The following STAU2 variants were observed in gnomAD, a reference collection of about 807,000 sequenced individuals.
STAU2 encodes the protein double-stranded RNA-binding protein Staufen homolog 2.
STAU2 carries 20 observed loss-of-function variants against 65.9 expected under a neutral mutation model. The observed-to-expected ratio is 0.30, with a 90% CI of 0.21 to 0.44. The LOEUF (loss-of-function observed/expected upper bound fraction) is 0.44, where lower values mean the gene tolerates loss of function less well. Among genes scored for constraint, STAU2 ranks in the 20% least tolerant of loss-of-function variants. The pLI is 1.00. For missense variants in STAU2, 558 were observed against 683.9 expected, an observed-to-expected ratio of 0.82 and a Z score of 2.05; for synonymous variants, 232 against 233.9, an observed-to-expected ratio of 0.99 and a Z score of 0.07.
chr8:73,605,872 C>CAT (rs1811983674), intron 9 of STAU2, among the ~76,000 whole-genome samples: 5 of 20,694 alleles, frequency 2.4e-4, no homozygotes, highest in South Asian at 1.4e-3. Context: ...CACACACACA[C>CAT]ACACATACAC....
chr8:73,465,309 G>C (rs1282539925), intron 13 of STAU2, among the ~76,000 whole-genome samples: 1 of 152,176 alleles, frequency 6.6e-6, no homozygotes, highest in African/African-American at 2.4e-5. Context: ...TAATATCGTA[G>C]TAAGTATTTA....
intron 13 of STAU2, among the ~76,000 whole-genome samples, chr8:73,547,279 T>C (rs1806998771): frequency 6.6e-6 from 1 of 152,240 alleles, no homozygotes; most frequent in Non-Finnish European, 1.5e-5. Context: ...GCCTGCTTGA[T>C]TCTTACCTGT....
At chr8:73,519,430 T>A (rs538134974) in intron 13 of STAU2, among the ~76,000 whole-genome samples, 2 of 152,332 alleles carry the variant, frequency 1.3e-5, no homozygotes, top group South Asian at 4.1e-4. Flanking sequence ...CCCCTGGTAC[T>A]TGAAGAAAGT....
At chr8:73,516,345 T>C (rs1295308935) in intron 13 of STAU2, among the ~76,000 whole-genome samples, 4 of 152,086 alleles carry the variant, frequency 2.6e-5, no homozygotes, top group Non-Finnish European at 5.9e-5. Context: ...ATTTTTTTTT[T>C]ATCACTACCT....
At chr8:73,744,508 C>A (rs1197830918) in intron 1 of STAU2, among the ~76,000 whole-genome samples, 2 of 150,700 alleles carry the variant, frequency 1.3e-5, no homozygotes, top group African/African-American at 2.4e-5. Context: ...AAAAACCTAC[C>A]ATATCTTCTA....
chr8:73,747,174 C>G (rs1275511078), upstream of STAU2: 1 of 529,008 alleles, frequency 1.9e-6, no homozygotes, highest in Non-Finnish European at 3.2e-6. Flanking sequence ...GGGCCATTCC[C>G]GGGGGGCTTG....
At chr8:73,654,292 A>C (rs1816126541) in intron 6 of STAU2, among the ~76,000 whole-genome samples, 1 of 152,142 alleles carries the variant, frequency 6.6e-6, no homozygotes, top group African/African-American at 2.4e-5. Flanking sequence ...AAAGAAAAAT[A>C]AGATTTCAAT....
intron 3 of STAU2, among the ~76,000 whole-genome samples, chr8:73,720,508 T>C (rs1253243753): frequency 9.6e-5 from 4 of 41,584 alleles, no homozygotes; most frequent in African/African-American, 3.2e-4. Context: ...TCTTTTTTTT[T>C]TTTTTTTTTT....
At chr8:73,538,378 A>G (rs1365049430) in intron 13 of STAU2, among the ~76,000 whole-genome samples, 1 of 152,158 alleles carries the variant, frequency 6.6e-6, no homozygotes, top group Non-Finnish European at 1.5e-5. Context: ...TGAATTAAGG[A>G]GAATTGAAAG....
At chr8:73,619,662 C>T (rs572690066) in intron 6 of STAU2, among the ~76,000 whole-genome samples, 1 of 152,206 alleles carries the variant, frequency 6.6e-6, no homozygotes, top group African/African-American at 2.4e-5. Flanking sequence ...AGTGGATAAG[C>T]ACCTGGAAAG....
intron 4 of STAU2, among the ~76,000 whole-genome samples, chr8:73,695,341 C>T (rs1462841975): frequency 6.7e-6 from 1 of 149,630 alleles, no homozygotes; most frequent in Admixed American, 6.6e-5. Context: ...TCCAAGATAA[C>T]ATTTGTAGAC....
At chr8:73,710,051 G>T (rs533105815) in intron 3 of STAU2, among the ~76,000 whole-genome samples, 2 of 152,156 alleles carry the variant, frequency 1.3e-5, no homozygotes, top group South Asian at 4.1e-4. Context: ...ACACTGGGTT[G>T]TTTCCAATTC....
chr8:73,556,103 AC>A (rs1361473382), intron 12 of STAU2, among the ~76,000 whole-genome samples: 1 of 152,226 alleles, frequency 6.6e-6, no homozygotes, highest in East Asian at 1.9e-4. Flanking sequence ...CAAGTTAAAT[AC>A]ATAGGAATAA....
At chr8:73,657,209 CAGA>C (rs1304024082) in intron 6 of STAU2, among the ~76,000 whole-genome samples, 1 of 152,160 alleles carries the variant, frequency 6.6e-6, no homozygotes, top group East Asian at 1.9e-4. Context: ...CAAACTCTTA[CAGA>C]AGATGTTATG....
intron 4 of STAU2, among the ~76,000 whole-genome samples, chr8:73,704,601 T>A (rs571592396): frequency 6.6e-6 from 1 of 152,324 alleles, no homozygotes; most frequent in African/African-American, 2.4e-5. Flanking sequence ...GGATGGTAAA[T>A]AAATTTATCT....
At chr8:73,494,564 T>A (rs1821304891) in intron 13 of STAU2, among the ~76,000 whole-genome samples, 1 of 151,720 alleles carries the variant, frequency 6.6e-6, no homozygotes, top group Non-Finnish European at 1.5e-5. Flanking sequence ...ATAGAATAAT[T>A]AAATAATTTT....
intron 13 of STAU2, among the ~76,000 whole-genome samples, chr8:73,545,848 C>T (rs573716573): frequency 8.7e-5 from 13 of 149,202 alleles, no homozygotes; most frequent in African/African-American, 2.2e-4. Context: ...GGGGTTTCAC[C>T]GTGTTAGCCA....
At chr8:73,463,955 G>T (rs1191282473) in intron 13 of STAU2, among the ~76,000 whole-genome samples, 2 of 152,146 alleles carry the variant, frequency 1.3e-5, no homozygotes, top group Non-Finnish European at 2.9e-5. Context: ...CTTCAAAGTG[G>T]TGTTAATACA....
chr8:73,422,616 T>C lies in STAU2; in HGVS notation c.1617A>G (p.Glu539=), dbSNP rs1409745849. The C allele has an allele frequency of 6.6e-7, 1 of 1,513,304 alleles. No individual in the cohort carries two copies. The highest frequency in any genetic ancestry group is 2.2e-5 in the Admixed American group (1 of 44,708). 93.7% of individuals were successfully genotyped at this position (1,513,304 alleles called of 1,614,324 possible). ...GAMNIEKGSL[E]KQAKHLREKA... ...ATACTGACAGGGGATTTACTCACTT[T>C]TCAAGAGAACCTTTTTCGATATTCA... is the stretch of plus-strand genomic sequence containing the variant. The change falls in exon 14 of 15, where the codon GAA becomes GAG. Residue 539 remains glutamate (E), a splice_region_variant and synonymous_variant. Transcript: ENST00000524300.
Sources: gnomAD v4.1 joint callset for allele counts (sites outside exome capture counted in the v4.1 genomes callset) on GRCh38, gnomAD v4.1.1 for gene constraint, MANE v1.5 for transcripts, NCBI Gene and HGNC (gene_info 2026-07-23, HGNC 2026-07-21) for gene names.